NAP1L4: variants seen among roughly 807,000 people sequenced by gnomAD.
NAP1L4 encodes the protein nucleosome assembly protein 1 like 4.
Under a neutral mutation model 58.2 loss-of-function variants are expected in NAP1L4, and 15 were observed. The ratio of observed to expected loss-of-function variants is 0.26; its 90% confidence interval spans 0.17 to 0.40. NAP1L4 has a LOEUF of 0.40. Among genes scored for constraint, NAP1L4 ranks in the 10% least tolerant of loss-of-function variants. NAP1L4 has a pLI of 1.00. For synonymous variants in NAP1L4, 171 were observed against 155.6 expected, an observed-to-expected ratio of 1.10 and a Z score of -0.74; for missense variants, 384 against 451.1, an observed-to-expected ratio of 0.85 and a Z score of 1.35.
rs1194648208 is a variant in NAP1L4, at chr11:2,970,122, A to T, written c.403-188T>A. Among the ~76,000 whole-genome samples the T allele has an allele frequency of 8.5e-5, 13 of 152,198 alleles. No homozygotes were observed. In the East Asian group the frequency reaches 2.5e-3, roughly 29 times the overall value. The stretch of plus-strand genomic sequence containing the variant: ...AGATGCTTCTGAGGAAAAAGCATTC[A>T]AGTCATTACATCCACACGGAATTCC... On this transcript the variant is annotated intron_variant, in intron 6 of 15. Coordinates refer to ENST00000380542, the MANE Select transcript of NAP1L4 (RefSeq NM_005969.4).
At chr11:2,975,562 C>CTTTTTTT (rs935851019) in intron 4 of NAP1L4, among the ~76,000 whole-genome samples, 1 of 147,204 alleles carries the variant, frequency 6.8e-6, no homozygotes, top group East Asian at 2.0e-4. Flanking sequence ...GAGACCCCAT[C>CTTTTTTT]TTTTTTTTTT....
chr11:2,962,826 G>A (rs1221117608), intron 8 of NAP1L4, among the ~76,000 whole-genome samples: 2 of 152,098 alleles, frequency 1.3e-5, no homozygotes, highest in East Asian at 1.9e-4. Flanking sequence ...AAGAGGCCGG[G>A]TGTGGTGGCT....
At chr11:2,979,703 C>T (rs1036999321) in intron 1 of NAP1L4, among the ~76,000 whole-genome samples, 22 of 151,790 alleles carry the variant, frequency 1.4e-4, no homozygotes, top group Admixed American at 1.2e-3. Flanking sequence ...ACCCAGGAGG[C>T]GGAGGTTGCA....
chr11:2,945,734 A>ACTCATTCAGTCT, intron 15 of NAP1L4, 88 bp from the exon 16 acceptor site: 4 of 1,115,256 alleles, frequency 3.6e-6, no homozygotes, highest in Non-Finnish European at 5.1e-6. Flanking sequence ...CCAAGACTGA[A>ACTCATTCAGTCT]TGAGTTCATT....
At position 2,972,644 on chromosome 11, in the gene NAP1L4, A is replaced by C. The variant is rs116067416; in HGVS notation, c.174-401T>G. The stretch of plus-strand genomic sequence containing the variant: ...TTTCTGAAGGGCAGAAATATTGAAA[A>C]TGTTCTTTGGACCCAGTAATTCTAT... On this transcript the variant is annotated intron_variant, in intron 4 of 15. Transcript: ENST00000380542. Among the ~76,000 whole-genome samples, 1,515 of 152,312 alleles carry C rather than the reference A, an allele frequency of 9.9e-3. 26 individuals are homozygous for C. Among genetic ancestry groups the C allele is most frequent in the African/African-American group, 0.035 (1,437 of 41,556 alleles).
At chr11:2,977,254 TCCAAGGTGAAAGGA>T (rs1488933302) in intron 3 of NAP1L4, among the ~76,000 whole-genome samples, 1 of 152,228 alleles carries the variant, frequency 6.6e-6, no homozygotes, top group Non-Finnish European at 1.5e-5. Flanking sequence ...ACAGATTGCT[TCCAAGGTGAAAGGA>T]CCTTGGTAAC....
intron 7 of NAP1L4, among the ~76,000 whole-genome samples, chr11:2,966,889 TGTG>T (rs1847313185): frequency 1.3e-5 from 2 of 152,222 alleles, no homozygotes; most frequent in Admixed American, 1.3e-4. Flanking sequence ...CCATGTACCC[TGTG>T]GGTCAAAACT....
intron 1 of NAP1L4, chr11:2,990,215 A>AT (rs1848877622): frequency 6.6e-6 from 1 of 152,202 alleles, no homozygotes; most frequent in South Asian, 2.1e-4. Context: ...AAAGACTGCA[A>AT]TTGGATATGT....
chr11:2,969,759 G>T, intron 7 of NAP1L4, 44 bp downstream of exon 7: 1 of 1,566,656 alleles, frequency 6.4e-7, no homozygotes, highest in South Asian at 1.2e-5. Flanking sequence ...AGTAATGTTA[G>T]AAGACTAGCA....
At chr11:2,973,102 C>G (rs946797887) in intron 4 of NAP1L4, among the ~76,000 whole-genome samples, 3 of 152,218 alleles carry the variant, frequency 2.0e-5, no homozygotes, top group African/African-American at 7.2e-5. Context: ...CATAATCACA[C>G]TGTCCAGGAA....
chr11:2,959,973 G>A lies in NAP1L4; in HGVS notation c.607-64C>T. ...GAAAAATAACGAGGACAGATTGCTT[G>A]GAGTACACAACACTTACTAGAAGCT... is the stretch of plus-strand genomic sequence containing the variant. On this transcript the variant is annotated intron_variant, in intron 8 of 15. Coordinates refer to ENST00000380542, the MANE Select transcript of NAP1L4 (RefSeq NM_005969.4). This position sits in a 1 kb window ranked among gnomAD's most constrained non-coding sequence, Gnocchi z 4.9. 1.3e-6 allele frequency: 2 copies of A among 1,536,632 alleles called. No individual in the cohort carries two copies. Among genetic ancestry groups the A allele is most frequent in the Non-Finnish European group, 1.8e-6 (2 of 1,122,236 alleles).
intron 8 of NAP1L4, 132 bp downstream of exon 8, chr11:2,964,548 T>C (rs1847144102): frequency 1.5e-6 from 1 of 685,274 alleles, no homozygotes; most frequent in African/African-American, 1.8e-5. Context: ...GAGAGCAGTC[T>C]CGCCCAGGGC....
chr11:2,967,351 G>T (rs1354700666), intron 7 of NAP1L4, among the ~76,000 whole-genome samples: 3 of 152,144 alleles, frequency 2.0e-5, no homozygotes, highest in African/African-American at 7.2e-5. Flanking sequence ...GGTGGCTCAC[G>T]CCTGTAATCC....
At chr11:2,960,824 T>C (rs1190798863) in intron 8 of NAP1L4, among the ~76,000 whole-genome samples, 1 of 152,202 alleles carries the variant, frequency 6.6e-6, no homozygotes, top group Non-Finnish European at 1.5e-5. Context: ...CTCATCCCTA[T>C]TTATAGAAGA....
intron 9 of NAP1L4, chr11:2,958,794 G>A (rs981518241): frequency 2.0e-6 from 1 of 507,966 alleles, no homozygotes; most frequent in African/African-American, 1.9e-5. Flanking sequence ...ATTTTCCCAA[G>A]ACATTTCATC....
Position 2,971,165 on chromosome 11 carries a change from C to T in NAP1L4, c.402+283G>A, listed in dbSNP as rs1215478154. Reference sequence around the variant, plus strand: ...GAACACAGGGGCATCTCTTCTTCATCTTTGCTTTCTCTGATGTTTTAATCT... The same window carrying T: ...GAACACAGGGGCATCTCTTCTTCATTTTTGCTTTCTCTGATGTTTTAATCT... On this transcript the variant is annotated intron_variant, in intron 6 of 15. Transcript: ENST00000380542. This position sits in a 1 kb window ranked among gnomAD's most constrained non-coding sequence, Gnocchi z 4.2. Among the ~76,000 whole-genome samples the T allele has an allele frequency of 6.6e-6, 1 of 152,210 alleles. No individual in the cohort carries two copies. Among genetic ancestry groups the T allele is most frequent in the East Asian group, 1.9e-4 (1 of 5,198 alleles).
chr11:2,979,520 C>G (rs535719805), intron 1 of NAP1L4, among the ~76,000 whole-genome samples: 2 of 152,138 alleles, frequency 1.3e-5, no homozygotes, highest in Non-Finnish European at 2.9e-5. Flanking sequence ...CGCCTGTAAT[C>G]CAAGCACTTT....
In NAP1L4 at chr11:2,945,185, G is replaced by A. The variant is rs1304035641; in HGVS notation, c.*494C>T. 1 of 166,190 alleles carries A rather than the reference G, an allele frequency of 6.0e-6. No individual in the cohort carries two copies. Among genetic ancestry groups the A allele is most frequent in the Non-Finnish European group, 1.3e-5 (1 of 77,504 alleles). The allele number at this position is 166,190 out of a possible 1,614,324, so 10.3% of individuals were successfully genotyped here. On this transcript the variant is annotated 3_prime_UTR_variant, in exon 16 of 16. Transcript: ENST00000380542. ...GATTCAGCGGCTGGAAACAGCAAGT[G>A]GGTTTCTTCGGATGAAAGGGAAGAA...
chr11:2,992,188 C>T (rs1184820662), intron 1 of NAP1L4, 66 bp downstream of exon 1: 1 of 152,042 alleles, frequency 6.6e-6, no homozygotes, highest in African/African-American at 2.4e-5. Flanking sequence ...CGGCCCCACC[C>T]GCCCGTCCGG....
Sources: gnomAD v4.1 joint callset for allele counts (sites outside exome capture counted in the v4.1 genomes callset) on GRCh38, gnomAD v4.1.1 for gene constraint, Gnocchi (gnomAD v3.1) non-coding constraint, MANE v1.5 for transcripts, NCBI Gene and HGNC (gene_info 2026-07-23, HGNC 2026-07-21) for gene names.